The following TMEM132C variants were observed in gnomAD, a reference collection of about 807,000 sequenced individuals.
TMEM132C encodes transmembrane protein 132C, also known as protein phosphatase 1, regulatory subunit 152.
Under a neutral mutation model 61.4 loss-of-function variants are expected in TMEM132C, and 29 were observed. The ratio of observed to expected loss-of-function variants is 0.47; its 90% confidence interval spans 0.35 to 0.64. The LOEUF (loss-of-function observed/expected upper bound fraction) is 0.64, where lower values mean the gene tolerates loss of function less well. Among genes scored for constraint, TMEM132C ranks in the 30% least tolerant of loss-of-function variants. The pLI, the probability that TMEM132C is intolerant of heterozygous loss-of-function variation, is 0.00. For missense variants in TMEM132C, 1,408 were observed against 1,476.9 expected, an observed-to-expected ratio of 0.95 and a Z score of 0.76; for synonymous variants, 656 against 633.1, an observed-to-expected ratio of 1.04 and a Z score of -0.54.
At chr12:128,537,532 A>G (rs533211485) in intron 2 of TMEM132C, among the ~76,000 whole-genome samples, 17 of 152,156 alleles carry the variant, frequency 1.1e-4, no homozygotes, top group Non-Finnish European at 2.2e-4. Context: ...CTTGCATGTA[A>G]TTTAGAAGGT....
chr12:128,375,164 C>T (rs1460844522), intron 1 of TMEM132C, among the ~76,000 whole-genome samples: 1 of 151,902 alleles, frequency 6.6e-6, no homozygotes, highest in Non-Finnish European at 1.5e-5. Flanking sequence ...CCAAATGTCC[C>T]CTGTGGGATG....
chr12:128,524,648 G>A (rs578203034), intron 2 of TMEM132C, among the ~76,000 whole-genome samples: 4 of 152,120 alleles, frequency 2.6e-5, no homozygotes, highest in South Asian at 2.1e-4. Flanking sequence ...AGAAGCTTGC[G>A]GTGAGATTCC....
chr12:128,678,215 A>G (rs1376159075), intron 5 of TMEM132C, among the ~76,000 whole-genome samples: 6 of 152,202 alleles, frequency 3.9e-5, no homozygotes, highest in Admixed American at 3.3e-4. Context: ...CTTTATCCTC[A>G]AGAGCCATTT....
intron 1 of TMEM132C, among the ~76,000 whole-genome samples, chr12:128,325,653 T>C (rs1042064617): frequency 2.6e-5 from 4 of 152,220 alleles, no homozygotes; most frequent in Admixed American, 2.6e-4. Context: ...CATGGTAGCA[T>C]GGACCTCCCT....
intron 3 of TMEM132C, among the ~76,000 whole-genome samples, chr12:128,553,839 G>A (rs1034139508): frequency 6.6e-6 from 1 of 152,190 alleles, no homozygotes; most frequent in East Asian, 1.9e-4. Context: ...GGCACCAGAT[G>A]AGTGAAGGGG....
At chr12:128,468,158 A>G (rs181626105) in intron 2 of TMEM132C, among the ~76,000 whole-genome samples, 2 of 152,248 alleles carry the variant, frequency 1.3e-5, no homozygotes, top group East Asian at 1.9e-4. Context: ...TTAACTGTGC[A>G]GGGCTAGCGG....
At chr12:128,670,898 A>G (rs1593143050) in intron 5 of TMEM132C, among the ~76,000 whole-genome samples, 1 of 152,322 alleles carries the variant, frequency 6.6e-6, no homozygotes, top group East Asian at 1.9e-4. Flanking sequence ...AAGAACGGAA[A>G]ATCTAGATTT....
intron 1 of TMEM132C, among the ~76,000 whole-genome samples, chr12:128,411,816 A>G (rs527455466): frequency 6.6e-6 from 1 of 152,354 alleles, no homozygotes; most frequent in East Asian, 1.9e-4. Flanking sequence ...TATATATATT[A>G]TAAACTGGAG....
intron 8 of TMEM132C, among the ~76,000 whole-genome samples, chr12:128,703,739 A>G (rs1272341794): frequency 2.0e-5 from 3 of 152,256 alleles, no homozygotes; most frequent in Non-Finnish European, 4.4e-5. Flanking sequence ...ATATGCGTGC[A>G]TGTGAGCACA....
chr12:128,703,311 C>T, intron 8 of TMEM132C, among the ~76,000 whole-genome samples: 1 of 139,168 alleles, frequency 7.2e-6, no homozygotes, highest in East Asian at 2.3e-4. Context: ...CCTCCACCCT[C>T]CAATAGGCCC....
At chr12:128,487,074 G>C (rs79244051) in intron 2 of TMEM132C, among the ~76,000 whole-genome samples, 12,844 of 152,212 alleles carry the variant, frequency 0.084, 619 homozygotes, top group Middle Eastern at 0.11. Context: ...AGGGGTGCCA[G>C]GGTATTCCGG....
intron 2 of TMEM132C, among the ~76,000 whole-genome samples, chr12:128,450,681 G>A (rs1399460903): frequency 2.6e-5 from 4 of 152,172 alleles, no homozygotes; most frequent in Non-Finnish European, 4.4e-5. Flanking sequence ...TGTTTTAAAA[G>A]TGAGTTTGGT....
At chr12:128,385,183 G>A (rs1182911927) in intron 1 of TMEM132C, among the ~76,000 whole-genome samples, 1 of 152,222 alleles carries the variant, frequency 6.6e-6, no homozygotes, top group Non-Finnish European at 1.5e-5. Context: ...CTGTGGAATG[G>A]AGGCAAGGAG....
intron 1 of TMEM132C, among the ~76,000 whole-genome samples, chr12:128,395,853 A>T (rs1180501903): frequency 2.6e-5 from 4 of 152,170 alleles, no homozygotes; most frequent in Admixed American, 6.5e-5. Flanking sequence ...ATGAGCCAGG[A>T]TGGGAAGAAT....
At chr12:128,448,671 G>A (rs557760871) in intron 2 of TMEM132C, among the ~76,000 whole-genome samples, 1 of 152,302 alleles carries the variant, frequency 6.6e-6, no homozygotes, top group Non-Finnish European at 1.5e-5. Context: ...CTTAATAGGA[G>A]GAGCTTCAGA....
intron 1 of TMEM132C, among the ~76,000 whole-genome samples, chr12:128,342,295 C>T (rs57946171): frequency 0.047 from 7,083 of 152,140 alleles, 534 homozygotes; most frequent in African/African-American, 0.16. Flanking sequence ...ATGTGAGCCA[C>T]CACGCCCAGC....
chr12:128,664,228 CATGAAGT>C (rs1382614622), intron 4 of TMEM132C, among the ~76,000 whole-genome samples: 9,424 of 104,980 alleles, frequency 0.09, 858 homozygotes, highest in African/African-American at 0.31. Flanking sequence ...GTGTGTGTTC[CATGAAGT>C]CGTTCCAGAA....
chr12:128,276,311 T>A (rs575939024), intron 1 of TMEM132C, among the ~76,000 whole-genome samples: 2 of 152,302 alleles, frequency 1.3e-5, no homozygotes, highest in African/African-American at 4.8e-5. Flanking sequence ...AGATATTTTT[T>A]AAAAATAACT....
intron 3 of TMEM132C, among the ~76,000 whole-genome samples, chr12:128,582,184 A>C (rs1875361658): frequency 6.6e-6 from 1 of 152,216 alleles, no homozygotes; most frequent in Non-Finnish European, 1.5e-5. Flanking sequence ...GAAAATAGGC[A>C]AGCACTATGA....
Sources: gnomAD v4.1 joint callset for allele counts (sites outside exome capture counted in the v4.1 genomes callset) on GRCh38, gnomAD v4.1.1 for gene constraint, MANE v1.5 for transcripts, NCBI Gene and HGNC (gene_info 2026-07-23, HGNC 2026-07-21) for gene names.